Variants in CCSER1 observed in about 807,000 individuals in gnomAD.
CCSER1 encodes the protein coiled-coil serine rich protein 1, also known as serine-rich coiled-coil domain-containing protein 1.
A neutral mutation model predicts 82.0 loss-of-function variants in CCSER1; 41 were observed. The observed-to-expected ratio is 0.50, with a 90% CI of 0.39 to 0.65. The LOEUF is 0.65. Among genes scored for constraint, CCSER1 ranks in the 30% least tolerant of loss-of-function variants. The pLI, the probability that CCSER1 is intolerant of heterozygous loss-of-function variation, is 0.00. For missense variants in CCSER1, 1,119 were observed against 1,064.2 expected (o/e 1.05, Z -0.72); for synonymous variants, 414 against 383.9 (o/e 1.08, Z -0.92).
chr4:90,934,801 C>T (rs1271858413), intron 9 of CCSER1, among the ~76,000 whole-genome samples: 1 of 152,064 alleles, frequency 6.6e-6, no homozygotes, highest in African/African-American at 2.4e-5. Flanking sequence ...CATGGTGGCA[C>T]ATGCCTGTAA....
At chr4:91,578,535 T>C (rs1048790662) in intron 10 of CCSER1, among the ~76,000 whole-genome samples, 33 of 152,070 alleles carry the variant, frequency 2.2e-4, no homozygotes, top group Non-Finnish European at 4.7e-4. Context: ...CTTAGACCTG[T>C]TGAAATTTGA....
chr4:90,198,935 A>G lies in CCSER1; in HGVS notation c.-42+71104A>G, dbSNP rs1472652370. ...TTTGAGCTAAGTATCAGTTTTGGCT[A>G]CAACTTTAAAACAATTTTTTTTCAA... is the stretch of plus-strand genomic sequence containing the variant. On this transcript the variant is annotated intron_variant, in intron 1 of 10. Coordinates refer to ENST00000509176, the MANE Select transcript of CCSER1 (RefSeq NM_001145065.2). 2.0e-5 allele frequency among the ~76,000 whole-genome samples: 3 copies of G among 152,164 alleles called. No homozygotes were observed. In the East Asian group the frequency reaches 5.8e-4, roughly 29 times the overall value.
chr4:90,153,299 G>A (rs34085642), intron 1 of CCSER1, among the ~76,000 whole-genome samples: 1 of 151,136 alleles, frequency 6.6e-6, no homozygotes, highest in Non-Finnish European at 1.5e-5. Flanking sequence ...TGGACATTTG[G>A]GTTGGTTCCA....
intron 1 of CCSER1, among the ~76,000 whole-genome samples, chr4:90,245,176 T>C (rs1265729112): frequency 6.6e-6 from 1 of 152,190 alleles, no homozygotes; most frequent in Non-Finnish European, 1.5e-5. Flanking sequence ...ATTATATTTT[T>C]CTGAATTTTT....
chr4:91,464,357 T>C (rs540179976), intron 10 of CCSER1, among the ~76,000 whole-genome samples: 1 of 152,188 alleles, frequency 6.6e-6, no homozygotes, highest in Non-Finnish European at 1.5e-5. Context: ...AAGGAAGCAC[T>C]AAACATGCAA....
chr4:90,542,467 C>T (rs900074136), intron 5 of CCSER1, among the ~76,000 whole-genome samples: 65 of 152,160 alleles, frequency 4.3e-4, no homozygotes, highest in Non-Finnish European at 6.2e-4. Flanking sequence ...AACAGGAAAG[C>T]GATCCAACTA....
Position 90,593,690 on chromosome 4 carries a change from T to G in CCSER1, c.1725-34335T>G, listed in dbSNP as rs576905772. On this transcript the variant is annotated intron_variant, in intron 5 of 10. Transcript: ENST00000509176. ...TTGCACTGTATATATTATTGTTGTA[T>G]ATTTTCCCTGGGTGTTATATTCATA... Among the ~76,000 whole-genome samples, 19 of 152,226 alleles carry G rather than the reference T, an allele frequency of 1.2e-4. No individual in the cohort carries two copies. In the South Asian group the frequency reaches 3.9e-3, roughly 32 times the overall value.
chr4:90,314,251 T>C (rs1283635011), intron 3 of CCSER1, among the ~76,000 whole-genome samples: 1 of 152,236 alleles, frequency 6.6e-6, no homozygotes, highest in African/African-American at 2.4e-5. Context: ...GAAACATATA[T>C]TTCATGCTTC....
chr4:91,436,315 A>G (rs1431316190), intron 10 of CCSER1, among the ~76,000 whole-genome samples: 1 of 152,208 alleles, frequency 6.6e-6, no homozygotes, highest in African/African-American at 2.4e-5. Flanking sequence ...AGAGTACTAC[A>G]TGGCATATAG....
At chr4:91,208,875 A>G (rs764940132) in intron 10 of CCSER1, among the ~76,000 whole-genome samples, 2 of 151,676 alleles carry the variant, frequency 1.3e-5, no homozygotes, top group Non-Finnish European at 3.0e-5. Context: ...TGTTTGTGTC[A>G]TCTCTGATTT....
rs185158856 is a variant in CCSER1, at chr4:90,354,493, G to A, written c.1509+41446G>A. The stretch of plus-strand genomic sequence containing the variant: ...TATGTCTTAAGTGTTCTCAACACAC[G>A]CACACAAACACACACACGCACAATA... On this transcript the variant is annotated intron_variant, in intron 3 of 10. Transcript: ENST00000509176. Among the ~76,000 whole-genome samples the A allele has an allele frequency of 4.3e-4, 65 of 152,016 alleles. No homozygotes were observed. The East Asian group carries it at 5.8e-3, about 14-fold the overall frequency.
intron 10 of CCSER1, among the ~76,000 whole-genome samples, chr4:91,580,553 C>T (rs1300557745): frequency 6.6e-6 from 1 of 151,696 alleles, no homozygotes; most frequent in Non-Finnish European, 1.5e-5. Context: ...CAGAATTAGT[C>T]TGAAATGTTT....
chr4:90,277,519 A>G (rs915380070), intron 1 of CCSER1, among the ~76,000 whole-genome samples: 1 of 152,150 alleles, frequency 6.6e-6, no homozygotes, highest in African/African-American at 2.4e-5. Flanking sequence ...GCAGAAATAA[A>G]GCCAAATATC....
At chr4:91,576,998 A>G (rs1560775882) in intron 10 of CCSER1, among the ~76,000 whole-genome samples, 1 of 84,554 alleles carries the variant, frequency 1.2e-5, no homozygotes, top group African/African-American at 5.1e-5. Flanking sequence ...TTTGTTTTCA[A>G]TTATATACTA....
intron 4 of CCSER1, among the ~76,000 whole-genome samples, chr4:90,417,598 A>G (rs1215351265): frequency 6.6e-6 from 1 of 152,180 alleles, no homozygotes. Context: ...ATCTGAAAAC[A>G]CCTAGGGCAG....
chr4:91,179,480 T>C (rs992707554), intron 10 of CCSER1, among the ~76,000 whole-genome samples: 15 of 152,344 alleles, frequency 9.8e-5, no homozygotes, highest in African/African-American at 3.6e-4. Context: ...GTCCCATATT[T>C]CTTGGAGGCT....
intron 10 of CCSER1, among the ~76,000 whole-genome samples, chr4:91,248,787 A>G (rs1464901670): frequency 1.4e-5 from 2 of 141,706 alleles, no homozygotes; most frequent in African/African-American, 2.8e-5. Flanking sequence ...TATCAATATT[A>G]ATTATTATTA....
At chr4:90,537,124 T>C (rs1579034558) in intron 5 of CCSER1, among the ~76,000 whole-genome samples, 1 of 152,222 alleles carries the variant, frequency 6.6e-6, no homozygotes, top group Non-Finnish European at 1.5e-5. Context: ...TTTCCTCAGG[T>C]GAACCTTTTT....
At chr4:90,289,371 T>C (rs1018450876) in intron 1 of CCSER1, among the ~76,000 whole-genome samples, 1 of 151,860 alleles carries the variant, frequency 6.6e-6, no homozygotes, top group Non-Finnish European at 1.5e-5. Context: ...TTCAAAGTTA[T>C]TTTAGTAAAA....
Sources: gnomAD v4.1 joint callset for allele counts (sites outside exome capture counted in the v4.1 genomes callset) on GRCh38, gnomAD v4.1.1 for gene constraint, MANE v1.5 for transcripts, NCBI Gene and HGNC (gene_info 2026-07-23, HGNC 2026-07-21) for gene names.